Variants in STAP2 observed in about 807,000 individuals in gnomAD.
STAP2 encodes signal transducing adaptor family member 2.
STAP2 carries 58 observed loss-of-function variants against 52.7 expected under a neutral mutation model. The observed-to-expected ratio is 1.10, with a 90% confidence interval of 0.89 to 1.37. The LOEUF (loss-of-function observed/expected upper bound fraction) is 1.37. STAP2 is among the 40% of genes most tolerant of loss of function. The pLI is 0.00. For missense variants in STAP2, 522 were observed against 519.4 expected (o/e 1.00, Z -0.05); for synonymous variants, 231 against 210.5 (o/e 1.10, Z -0.84).
At chr19:4,331,890 C>T in intron 4 of STAP2, 132 bp downstream of exon 4, 2 of 839,834 alleles carry the variant, frequency 2.4e-6, no homozygotes, top group Non-Finnish European at 3.7e-6. Flanking sequence ...CGAGATCGCA[C>T]CACTGCACTC....
At chr19:4,329,806 ACTCCCC>A (rs1233971801) in intron 5 of STAP2, among the ~76,000 whole-genome samples, 149 bp downstream of exon 5, 67 of 148,168 alleles carry the variant, frequency 4.5e-4, no homozygotes, top group South Asian at 1.3e-3. Flanking sequence ...ATGGGCCATA[ACTCCCC>A]CTCCCCCTCC....
At chr19:4,329,177 C>T (rs28694423) in intron 5 of STAP2, among the ~76,000 whole-genome samples, 10,988 of 151,960 alleles carry the variant, frequency 0.072, 608 homozygotes, top group African/African-American at 0.16. Flanking sequence ...GTTGGTCAGG[C>T]TGGTCTCAAA....
intron 1 of STAP2, among the ~76,000 whole-genome samples, chr19:4,336,400 C>A (rs1229614096): frequency 7.1e-6 from 1 of 140,624 alleles, no homozygotes; most frequent in Non-Finnish European, 1.5e-5. Context: ...CTCACTGCAA[C>A]CCCCCCGCCC....
In STAP2 at chr19:4,327,365, T is replaced by G. The variant is rs1230412307; in HGVS notation, c.611A>C (p.Tyr204Ser). 12 of 1,613,964 alleles carry G rather than the reference T, an allele frequency of 7.4e-6. No individual in the cohort carries two copies. Among genetic ancestry groups the G allele is most frequent in the Non-Finnish European group, 1.0e-5 (12 of 1,179,996 alleles). ...CTTGGGGCCCTCCCGCTTCACCTTG[T>G]AATGCCGGACCACGTGCGTCCTGCA... ...MHNGTHVVRHYKVKREGPKYV... is the reference protein window; with the variant it reads ...MHNGTHVVRHSKVKREGPKYV... Residue 204 changes from tyrosine (Y) to serine (S), a missense_variant, in exon 7 of 13, where the codon TAC becomes TCC. Tyr to Ser is a moderately radical substitution (Grantham distance 144). Coordinates refer to ENST00000594605, the MANE Select transcript of STAP2 (RefSeq NM_001013841.2).
intron 12 of STAP2, 55 bp from the exon 13 acceptor site, chr19:4,324,252 C>T (rs1434440148): frequency 2.6e-6 from 4 of 1,528,748 alleles, no homozygotes; most frequent in Admixed American, 3.9e-5. Context: ...AGTCCATGCC[C>T]ACCGCCCTGA....
In STAP2 at chr19:4,327,403, G is replaced by T. The variant is rs765623298; in HGVS notation, c.591-18C>A. 3.7e-6 allele frequency: 6 copies of T among 1,613,854 alleles called. No homozygotes were observed. Among genetic ancestry groups the T allele is most frequent in the Non-Finnish European group, 5.1e-6 (6 of 1,179,844 alleles). ...CGTGCGTCCTGCACCAGGAGAAAGC[G>T]AGTGAGTGGCTCAGCCCAGGCTCCC... On this transcript the variant is annotated intron_variant, in intron 6 of 12. Coordinates refer to ENST00000594605, the MANE Select transcript of STAP2 (RefSeq NM_001013841.2).
At position 4,325,514 on chromosome 19, in the gene STAP2, CG is replaced by C; in HGVS notation, c.860del (p.Pro287ArgfsTer25). 1 of 1,606,056 alleles carries C rather than the reference CG, an allele frequency of 6.2e-7. No individual in the cohort carries two copies. The highest frequency in any genetic ancestry group is 8.5e-7 in the Non-Finnish European group (1 of 1,176,284). ...GPAPCTGGPK[P>X]LSPASSQDKL... ...TGTCCTGGCTAGACGCAGGTGACAG[CG>C]GCTTGGGGCCACCTGTGCAGGGTGC... On this transcript the variant is annotated frameshift_variant, in exon 10 of 13. Transcript: ENST00000594605. LOFTEE classifies it high-confidence loss of function.
At chr19:4,331,893 C>T (rs1302415364) in intron 4 of STAP2, 129 bp downstream of exon 4, 7 of 883,116 alleles carry the variant, frequency 7.9e-6, no homozygotes, top group Non-Finnish European at 1.0e-5. Context: ...GATCGCACCA[C>T]TGCACTCCAG....
intron 1 of STAP2, among the ~76,000 whole-genome samples, chr19:4,337,366 G>C (rs1340699483): frequency 6.6e-6 from 1 of 151,388 alleles, no homozygotes. Context: ...AGAGTAGCTG[G>C]GATCACAGGC....
Position 4,325,458 on chromosome 19 carries a change from T to A in STAP2, c.917A>T (p.Gln306Leu). The A allele has an allele frequency of 6.2e-7, 1 of 1,614,146 alleles. No homozygotes were observed. The highest frequency in any genetic ancestry group is 8.5e-7 in the Non-Finnish European group (1 of 1,180,006). Reference protein sequence around the residue: ...KLPPLPPLPNQEENYVTPIGD... With the variant: ...KLPPLPPLPNLEENYVTPIGD... The stretch of plus-strand genomic sequence containing the variant: ...AATGGGGGTCACGTAGTTCTCTTCC[T>A]GGTTCGGTAGTGGGGGCAGTGGGGG... Residue 306 changes from glutamine (Q) to leucine (L), a missense_variant, in exon 10 of 13, where the codon CAG becomes CTG. Transcript: ENST00000594605.
chr19:4,324,821 C>T lies in STAP2; in HGVS notation c.1073-292G>A, dbSNP rs191488372. 1.2e-5 allele frequency: 5 copies of T among 414,280 alleles called. No individual in the cohort carries two copies. The East Asian group carries it at 2.4e-4, about 20-fold the overall frequency. The allele number at this position is 414,280 out of a possible 1,614,324, so 25.7% of individuals were successfully genotyped here. On this transcript the variant is annotated intron_variant, in intron 11 of 12. Coordinates refer to ENST00000594605, the MANE Select transcript of STAP2 (RefSeq NM_001013841.2). ...CCTGGGCAACAGAGTGAGACTCCAT[C>T]TCAAAACAAAAAACAACAATAAAGA...
rs562957368 is a variant in STAP2, at chr19:4,324,569, C to T, written c.1073-40G>A. On this transcript the variant is annotated intron_variant, in intron 11 of 12. Coordinates refer to ENST00000594605, the MANE Select transcript of STAP2 (RefSeq NM_001013841.2). ...AGATGAGGCCAGGTGTGGTGGCTCA[C>T]GCCGGTAATCCCAGCACTTTGGGAG... is the stretch of plus-strand genomic sequence containing the variant. 9.4e-5 allele frequency: 145 copies of T among 1,550,626 alleles called. 2 individuals are homozygous for T. In the Admixed American group the frequency reaches 2.6e-3, roughly 28 times the overall value.
rs756831185 is a variant in STAP2, at chr19:4,333,992, T to C, written c.155A>G (p.Asn52Ser). ...CCTTACCTGGAAGTCCCGATTGCTA[T>C]TGTAGAAATAAATGGTGAGACCCTG... ...GLQGLTIYFYNSNRDFQHVEK... is the reference protein window; with the variant it reads ...GLQGLTIYFYSSNRDFQHVEK... Residue 52 changes from asparagine (N) to serine (S), a missense_variant, in exon 2 of 13, where the codon AAT (asparagine) becomes AGT (serine). Coordinates refer to ENST00000594605, the MANE Select transcript of STAP2 (RefSeq NM_001013841.2). The C allele has an allele frequency of 6.2e-7, 1 of 1,613,422 alleles. No homozygotes were observed.
chr19:4,327,296 G>T lies in STAP2; in HGVS notation c.660+20C>A, dbSNP rs766658608. 1.2e-6 allele frequency: 2 copies of T among 1,613,988 alleles called. No homozygotes were observed. The highest frequency in any genetic ancestry group is 1.3e-5 in the African/African-American group (1 of 74,918). ...CGGACCCCACAAAGTCACTTCTAGG[G>T]ACTCTGGCCCAACGCTCACCGGCTG... On this transcript the variant is annotated intron_variant, in intron 7 of 12. Transcript: ENST00000594605.
intron 6 of STAP2, chr19:4,328,170 C>G (rs781660149): frequency 1.6e-4 from 33 of 204,320 alleles, no homozygotes; most frequent in Non-Finnish European, 2.8e-4. Context: ...CTTCCCTAGG[C>G]ATTAACCCCA....
At chr19:4,331,649 T>A (rs563777923) in intron 4 of STAP2, among the ~76,000 whole-genome samples, 2 of 136,360 alleles carry the variant, frequency 1.5e-5, no homozygotes, top group Admixed American at 1.5e-4. Context: ...AAACAAAATT[T>A]TGGCCGGGCC....
intron 6 of STAP2, 41 bp downstream of exon 6, chr19:4,328,634 A>AC: frequency 1.2e-6 from 1 of 805,658 alleles, no homozygotes; most frequent in Non-Finnish European, 1.8e-6. Context: ...CCCTCTTCCC[A>AC]CCCTCCTCCC....
rs551978890 is a variant in STAP2, at chr19:4,336,399, A to AC, written c.102+2252dup. On this transcript the variant is annotated intron_variant, in intron 1 of 12. Coordinates refer to ENST00000594605, the MANE Select transcript of STAP2 (RefSeq NM_001013841.2). ...GGTGGCACCATCTCAGCTCACTGCA[A>AC]CCCCCCCGCCCCAGTTCAAGCAATT... Among the ~76,000 whole-genome samples, 5 of 132,896 alleles carry AC rather than the reference A, an allele frequency of 3.8e-5. No homozygotes were observed. In the East Asian group the frequency reaches 6.8e-4, roughly 18 times the overall value. 87.2% of individuals were successfully genotyped at this position (132,896 alleles called of 152,430 possible).
In STAP2 at chr19:4,327,199, C is replaced by T. The variant is rs368020217; in HGVS notation, c.688G>A (p.Val230Ile). Reference sequence around the variant, plus strand: ...TTGGTATGCGACACGAAATAGTTGACCACGGCGTCCAGGGAGGTGCAAGAG... The same window carrying T: ...TTGGTATGCGACACGAAATAGTTGATCACGGCGTCCAGGGAGGTGCAAGAG... ...PFSCTSLDAVVNYFVSHTKKA... is the reference protein window; with the variant it reads ...PFSCTSLDAVINYFVSHTKKA... Residue 230 changes from valine (V) to isoleucine (I), a missense_variant, in exon 8 of 13, where the codon GTC becomes ATC. Coordinates refer to ENST00000594605, the MANE Select transcript of STAP2 (RefSeq NM_001013841.2). 27 of 1,614,004 alleles carry T rather than the reference C, an allele frequency of 1.7e-5. No homozygotes were observed. The highest frequency in any genetic ancestry group is 2.3e-5 in the Non-Finnish European group (27 of 1,180,026).
Sources: allele counts gnomAD v4.1 joint callset (sites outside exome capture counted in the v4.1 genomes callset), GRCh38; gene constraint gnomAD v4.1.1; transcripts MANE v1.5; gene names NCBI Gene and HGNC (gene_info 2026-07-23, HGNC 2026-07-21).